NMBR: variants seen among roughly 807,000 people sequenced by gnomAD.
The protein encoded by NMBR is neuromedin B receptor.
NMBR carries 16 observed loss-of-function variants against 20.5 expected under a neutral mutation model. That is an observed-to-expected ratio of 0.78 (90% confidence interval 0.53 to 1.19). The LOEUF is 1.19. Ranked by LOEUF, NMBR falls within the 50% of genes most tolerant of loss-of-function variation. The probability of loss-of-function intolerance (pLI) is 0.00; values close to 1 mark genes in which losing one functional copy is unlikely to be tolerated. For synonymous variants in NMBR, 212 were observed against 196.6 expected (o/e 1.08, Z -0.65); for missense variants, 582 against 499.1 (o/e 1.17, Z -1.58).
At chr6:142,120,336 AC>A (rs1777922318) in intron 1 of NMBR, among the ~76,000 whole-genome samples, 1 of 151,904 alleles carries the variant, frequency 6.6e-6, no homozygotes, top group South Asian at 2.1e-4. Context: ...GTTTCACACC[AC>A]CTTTTAGGAA....
chr6:142,103,539 T>C (rs781064113), intron 1 of NMBR, among the ~76,000 whole-genome samples: 5 of 152,200 alleles, frequency 3.3e-5, no homozygotes, highest in African/African-American at 4.8e-5. Context: ...TGATGGGTCA[T>C]GGAATGCAGA....
At position 142,081,215 on chromosome 6, in the gene NMBR, CA is replaced by C. The variant is rs142569875; in HGVS notation, c.423-2313del. Among the ~76,000 whole-genome samples, 1,405 of 152,230 alleles carry C rather than the reference CA, an allele frequency of 9.2e-3. 30 individuals are homozygous for C. Among genetic ancestry groups the C allele is most frequent in the African/African-American group, 0.032 (1,332 of 41,532 alleles). On this transcript the variant is annotated intron_variant, in intron 2 of 3. Coordinates refer to ENST00000258042, the MANE Select transcript of NMBR (RefSeq NM_002511.4). Reference sequence around the variant, plus strand: ...GTGGGCCCCACTCTCATGACCTAATCACCTCCCAAAGGCCCACCTCTTAATG... The same window carrying C: ...GTGGGCCCCACTCTCATGACCTAATCCCTCCCAAAGGCCCACCTCTTAATG...
intron 2 of NMBR, among the ~76,000 whole-genome samples, chr6:142,079,118 G>GA (rs1222280169): frequency 4.0e-5 from 3 of 75,768 alleles, no homozygotes; most frequent in Non-Finnish European, 6.6e-5. Context: ...AAGAAAGAAA[G>GA]AAAGAAAGAA....
intron 1 of NMBR, among the ~76,000 whole-genome samples, chr6:142,127,499 G>T (rs1356697540): frequency 2.0e-5 from 3 of 151,888 alleles, no homozygotes; most frequent in Non-Finnish European, 4.4e-5. Context: ...TAAATTTTAG[G>T]ATTGTTTTTT....
chr6:142,089,666 C>A (rs896121782), intron 1 of NMBR, among the ~76,000 whole-genome samples: 13 of 152,120 alleles, frequency 8.5e-5, no homozygotes, highest in African/African-American at 3.1e-4. Flanking sequence ...TGTCTAGGTT[C>A]TTTCACTCGA....
At chr6:142,136,509 A>G (rs1401493670) in intron 1 of NMBR, among the ~76,000 whole-genome samples, 2 of 151,998 alleles carry the variant, frequency 1.3e-5, no homozygotes, top group Admixed American at 6.6e-5. Context: ...ATTAGATCCC[A>G]TTTGTCAATT....
At chr6:142,142,963 C>T (rs1031818807) in intron 1 of NMBR, among the ~76,000 whole-genome samples, 7 of 151,986 alleles carry the variant, frequency 4.6e-5, no homozygotes, top group African/African-American at 1.7e-4. Flanking sequence ...TGCCTGCCTG[C>T]AGTCCCAGCT....
In NMBR at chr6:142,088,865, AG is replaced by A. The variant is rs919236866; in HGVS notation, c.-208del. 8 of 491,904 alleles carry A rather than the reference AG, an allele frequency of 1.6e-5. No homozygotes were observed. Among genetic ancestry groups the A allele is most frequent in the Non-Finnish European group, 2.9e-5 (8 of 276,952 alleles). The allele number at this position is 491,904 out of a possible 1,614,324, so 30.5% of individuals were successfully genotyped here. A position where few individuals can be genotyped will look rare whatever the true frequency, so the allele number is the denominator to read the frequency against. On this transcript the variant is annotated 5_prime_UTR_variant, in exon 2 of 4. Transcript: ENST00000258042. ...ACACACTCGGGCGCTCCGCTTCTAG[AG>A]GGGGGAAATGGCTCCGGCTAACTCT...
intron 1 of NMBR, among the ~76,000 whole-genome samples, chr6:142,128,732 A>C (rs142542255): frequency 1.6e-4 from 24 of 152,048 alleles, no homozygotes; most frequent in Admixed American, 1.2e-3. Flanking sequence ...CTGGTGTATT[A>C]TTCTTCTATC....
chr6:142,126,988 C>T (rs1335366273), intron 1 of NMBR, among the ~76,000 whole-genome samples: 1 of 151,464 alleles, frequency 6.6e-6, no homozygotes, highest in Non-Finnish European at 1.5e-5. Context: ...TGTGCAGAAG[C>T]TTTTTAATTC....
intron 1 of NMBR, among the ~76,000 whole-genome samples, chr6:142,122,319 T>C (rs1036587198): frequency 1.3e-5 from 2 of 151,922 alleles, no homozygotes; most frequent in African/African-American, 4.8e-5. Flanking sequence ...AGTTTGAGGC[T>C]AGCAGAGATT....
rs555006563 is a variant in NMBR at position 142,080,183 on chromosome 6, A to AT, written c.423-1281dup. Among the ~76,000 whole-genome samples the AT allele has an allele frequency of 4.6e-3, 686 of 147,578 alleles. 4 individuals carry two copies. The highest frequency in any genetic ancestry group is 7.3e-3 in the Non-Finnish European group (489 of 66,728). The stretch of plus-strand genomic sequence containing the variant: ...TATTCTGTTAGCTTTACTTTCCATC[A>AT]TTTTTTTTCTGAATTTTAAAATTTC... On this transcript the variant is annotated intron_variant, in intron 2 of 3. Coordinates refer to ENST00000258042, the MANE Select transcript of NMBR (RefSeq NM_002511.4).
At chr6:142,137,505 T>G (rs1415114811) in intron 1 of NMBR, among the ~76,000 whole-genome samples, 1 of 152,206 alleles carries the variant, frequency 6.6e-6, no homozygotes, top group African/African-American at 2.4e-5. Context: ...CCTGCCTAAT[T>G]GCCCTGGCCG....
intron 1 of NMBR, among the ~76,000 whole-genome samples, chr6:142,111,223 G>C (rs1468881648): frequency 6.6e-6 from 1 of 151,182 alleles, no homozygotes; most frequent in African/African-American, 2.4e-5. Context: ...CTGGCCAACA[G>C]AGTGAGACTC....
Position 142,146,110 on chromosome 6 carries a change from G to C in NMBR, c.-664+934C>G, listed in dbSNP as rs942129013. Among the ~76,000 whole-genome samples the C allele has an allele frequency of 6.6e-5, 10 of 152,308 alleles. 1 individual carries two copies. The South Asian group carries it at 2.1e-3, about 32-fold the overall frequency. ...CCAGTGGTAGGAAATATGCCGCTGA[G>C]ATTGGGGAAGAAGACAGAACTGAGT... On this transcript the variant is annotated intron_variant, in intron 1 of 3. Coordinates refer to ENST00000258042, the MANE Select transcript of NMBR (RefSeq NM_002511.4).
chr6:142,101,136 C>T (rs1472089560), intron 1 of NMBR, among the ~76,000 whole-genome samples: 3 of 152,108 alleles, frequency 2.0e-5, no homozygotes, highest in Non-Finnish European at 4.4e-5. Context: ...AAAGAAACAA[C>T]CAGATTGGTT....
chr6:142,088,742 G>T lies in NMBR; in HGVS notation c.-84C>A. ...GAACGCCCACGATTTAGGTTTAATC[G>T]ATGTCCCTCCCTCTCGCCCCTGCAA... On this transcript the variant is annotated 5_prime_UTR_variant, in exon 2 of 4. Transcript: ENST00000258042. 8.1e-7 allele frequency: 1 copy of T among 1,238,646 alleles called. No individual in the cohort carries two copies. Among genetic ancestry groups the T allele is most frequent in the Non-Finnish European group, 1.1e-6 (1 of 897,096 alleles). 76.7% of individuals were successfully genotyped at this position (1,238,646 alleles called of 1,614,324 possible).
At chr6:142,098,954 T>C (rs1026113584) in intron 1 of NMBR, among the ~76,000 whole-genome samples, 1 of 152,040 alleles carries the variant, frequency 6.6e-6, no homozygotes, top group Non-Finnish European at 1.5e-5. Context: ...AATGAAAGAA[T>C]AGACAAATAG....
Position 142,097,409 on chromosome 6 carries a change from C to T in NMBR, c.-663-8088G>A, listed in dbSNP as rs139333620. On this transcript the variant is annotated intron_variant, in intron 1 of 3. Coordinates refer to ENST00000258042, the MANE Select transcript of NMBR (RefSeq NM_002511.4). The stretch of plus-strand genomic sequence containing the variant: ...TATATCTGGTCTACATCTCAGTAAA[C>T]GCATCATAAGTTGAAAATATCATAA... Among the ~76,000 whole-genome samples the T allele has an allele frequency of 8.8e-4, 133 of 151,962 alleles. No individual in the cohort carries two copies. The South Asian group carries it at 0.012, about 13-fold the overall frequency.
Sources: gnomAD v4.1 joint callset for allele counts (sites outside exome capture counted in the v4.1 genomes callset) on GRCh38, gnomAD v4.1.1 for gene constraint, MANE v1.5 for transcripts, NCBI Gene and HGNC (gene_info 2026-07-23, HGNC 2026-07-21) for gene names.